Variants in CCDC149 observed in about 807,000 individuals in gnomAD.
The protein encoded by CCDC149 is coiled-coil domain containing 149, also known as coiled-coil domain-containing protein 149.
CCDC149 carries 45 observed loss-of-function variants against 59.9 expected under a neutral mutation model. That is an observed-to-expected ratio of 0.75 (90% CI 0.59 to 0.96). The LOEUF is 0.96. Among genes scored for constraint, CCDC149 ranks in the 40% least tolerant of loss-of-function variants. The pLI is 0.00. For missense variants in CCDC149, 584 were observed against 664.7 expected, an observed-to-expected ratio of 0.88 and a Z score of 1.33; for synonymous variants, 245 against 260.6, an observed-to-expected ratio of 0.94 and a Z score of 0.58.
chr4:24,864,037 CT>C (rs1215955474), intron 3 of CCDC149, among the ~76,000 whole-genome samples: 3 of 152,198 alleles, frequency 2.0e-5, no homozygotes, highest in East Asian at 1.9e-4. Context: ...GCTGAGAGAT[CT>C]TTTGTCTCGG....
At chr4:24,832,900 G>A (rs1024644750) in intron 8 of CCDC149, among the ~76,000 whole-genome samples, 1 of 152,108 alleles carries the variant, frequency 6.6e-6, no homozygotes, top group African/African-American at 2.4e-5. Flanking sequence ...TGTTTTCCCA[G>A]TTATGCTTGG....
Position 24,834,932 on chromosome 4 carries a change from G to A in CCDC149, c.820+16C>T, listed in dbSNP as rs755510071. On this transcript the variant is annotated intron_variant, in intron 8 of 12. Coordinates refer to ENST00000635206, the MANE Select transcript of CCDC149 (RefSeq NM_001330643.2). ...TTACGCTCATGAGCGGTCTCTCCTG[G>A]AGCATGATATCCTACCTTGCTTTGC... The A allele has an allele frequency of 8.8e-6, 14 of 1,591,008 alleles. No homozygotes were observed. The highest frequency in any genetic ancestry group is 1.2e-5 in the Non-Finnish European group (14 of 1,159,720).
intron 1 of CCDC149, among the ~76,000 whole-genome samples, chr4:24,879,053 C>T (rs1382271949): frequency 6.6e-6 from 1 of 152,158 alleles, no homozygotes; most frequent in Non-Finnish European, 1.5e-5. Flanking sequence ...TCTGTAGGTC[C>T]CAATAATTTT....
At chr4:24,865,097 A>T (rs886345031) in intron 3 of CCDC149, among the ~76,000 whole-genome samples, 1 of 152,188 alleles carries the variant, frequency 6.6e-6, no homozygotes, top group African/African-American at 2.4e-5. Flanking sequence ...AAGACATATA[A>T]ATCAGAACTG....
At chr4:24,856,716 T>A (rs933080335) in intron 3 of CCDC149, among the ~76,000 whole-genome samples, 1 of 152,252 alleles carries the variant, frequency 6.6e-6, no homozygotes, top group Non-Finnish European at 1.5e-5. Context: ...CGTTTCCTGG[T>A]TCCCCCTCTC....
chr4:24,864,435 T>C (rs950620581), intron 3 of CCDC149, among the ~76,000 whole-genome samples: 5 of 152,206 alleles, frequency 3.3e-5, no homozygotes, highest in African/African-American at 1.2e-4. Context: ...ACTGGTCCTG[T>C]GACCCTCACC....
chr4:24,874,247 T>TG (rs1719248846), intron 2 of CCDC149, among the ~76,000 whole-genome samples: 2 of 81,716 alleles, frequency 2.4e-5, no homozygotes, highest in African/African-American at 1.3e-4. Flanking sequence ...TAGATTTGTT[T>TG]TTTTTTTTTT....
At chr4:24,948,107 C>T (rs867564689) in intron 1 of CCDC149, among the ~76,000 whole-genome samples, 3 of 152,110 alleles carry the variant, frequency 2.0e-5, no homozygotes, top group Admixed American at 6.5e-5. Flanking sequence ...CAGTGGGCTA[C>T]GGCAGGTGAT....
chr4:24,870,211 TA>T (rs1197191718), intron 3 of CCDC149, among the ~76,000 whole-genome samples: 1 of 152,196 alleles, frequency 6.6e-6, no homozygotes, highest in Non-Finnish European at 1.5e-5. Flanking sequence ...CTTTTGTACT[TA>T]AAAAACAATA....
chr4:24,938,472 G>C (rs1032872917), intron 1 of CCDC149, among the ~76,000 whole-genome samples: 1 of 152,200 alleles, frequency 6.6e-6, no homozygotes, highest in African/African-American at 2.4e-5. Context: ...CCCAGCGTAA[G>C]CGATGCAGAA....
At chr4:24,863,298 A>G (rs928072358) in intron 3 of CCDC149, among the ~76,000 whole-genome samples, 1 of 152,206 alleles carries the variant, frequency 6.6e-6, no homozygotes, top group African/African-American at 2.4e-5. Flanking sequence ...CCTCAAAAAC[A>G]CAAAACAAAA....
intron 3 of CCDC149, among the ~76,000 whole-genome samples, chr4:24,855,567 T>G (rs1717949050): frequency 1.3e-5 from 1 of 74,094 alleles, no homozygotes; most frequent in African/African-American, 5.1e-5. Context: ...AAAGAGAGAC[T>G]CTGTCTCAAA....
At chr4:24,876,440 C>T in intron 2 of CCDC149, 96 bp downstream of exon 2, 1 of 1,361,222 alleles carries the variant, frequency 7.3e-7, no homozygotes, top group East Asian at 2.3e-5. Flanking sequence ...GAACTGTTTG[C>T]ATTTAACCAT....
intron 1 of CCDC149, among the ~76,000 whole-genome samples, chr4:24,887,063 G>A (rs1347611467): frequency 1.3e-5 from 2 of 152,052 alleles, no homozygotes; most frequent in Non-Finnish European, 2.9e-5. Flanking sequence ...ACACCATGAG[G>A]GTAGTTTGTG....
At chr4:24,819,804 C>G in intron 12 of CCDC149, 55 bp downstream of exon 12, 2 of 1,292,590 alleles carry the variant, frequency 1.5e-6, no homozygotes, top group South Asian at 2.5e-5. Context: ...CATTGAGCCA[C>G]TCCTCTGTGG....
chr4:24,891,697 C>T (rs537625837), intron 1 of CCDC149, among the ~76,000 whole-genome samples: 1 of 152,298 alleles, frequency 6.6e-6, no homozygotes, highest in East Asian at 1.9e-4. Context: ...TTGGGCATCT[C>T]GCTTTCAACA....
chr4:24,936,803 T>C (rs552877250), intron 1 of CCDC149, among the ~76,000 whole-genome samples: 19 of 152,242 alleles, frequency 1.2e-4, no homozygotes, highest in African/African-American at 4.6e-4. Flanking sequence ...TTGACTCACA[T>C]TAGGAGATGC....
chr4:24,886,002 T>TGGGC (rs1720155350), intron 1 of CCDC149, among the ~76,000 whole-genome samples: 1 of 152,218 alleles, frequency 6.6e-6, no homozygotes, highest in South Asian at 2.1e-4. Flanking sequence ...ATTTAATCTA[T>TGGGC]ATGGCCACTA....
At chr4:24,834,270 G>A (rs1716350325) in intron 8 of CCDC149, among the ~76,000 whole-genome samples, 1 of 152,100 alleles carries the variant, frequency 6.6e-6, no homozygotes, top group African/African-American at 2.4e-5. Context: ...GGCCAGCTGA[G>A]CATATTCGAC....
Sources: gnomAD v4.1 joint callset for allele counts (sites outside exome capture counted in the v4.1 genomes callset) on GRCh38, gnomAD v4.1.1 for gene constraint, MANE v1.5 for transcripts, NCBI Gene and HGNC (gene_info 2026-07-23, HGNC 2026-07-21) for gene names.